Variants in RSPRY1 observed in about 807,000 individuals in gnomAD.
The protein encoded by RSPRY1 is ring finger and SPRY domain containing 1.
In RSPRY1, 23 loss-of-function variants were observed where a neutral mutation model predicts 73.1. The ratio of observed to expected loss-of-function variants is 0.31; its 90% confidence interval spans 0.23 to 0.45. The LOEUF is 0.45. Ranked by LOEUF, RSPRY1 falls within the 20% of genes least tolerant of loss-of-function variation. The pLI, the probability that RSPRY1 is intolerant of heterozygous loss-of-function variation, is 1.00. For synonymous variants in RSPRY1, 226 were observed against 251.4 expected, an observed-to-expected ratio of 0.90 and a Z score of 0.95; for missense variants, 448 against 698.7, an observed-to-expected ratio of 0.64 and a Z score of 4.05.
At chr16:57,191,510 G>A (rs1051231664) in intron 1 of RSPRY1, among the ~76,000 whole-genome samples, 2 of 152,126 alleles carry the variant, frequency 1.3e-5, no homozygotes, top group African/African-American at 2.4e-5. Flanking sequence ...TATGCAGAAT[G>A]GGGATTCCTG....
rs2074622050 is a variant in RSPRY1 at position 57,201,939 on chromosome 16, G to A, written c.-155-2565G>A. Among the ~76,000 whole-genome samples, 3 of 152,188 alleles carry A rather than the reference G, an allele frequency of 2.0e-5. No individual in the cohort carries two copies. In the South Asian group the frequency reaches 6.2e-4, roughly 31 times the overall value. Reference sequence around the variant, plus strand: ...GTCCAGCTTTGGCTTGGCATCAGGGGGAGACCGTGGAAAGAGAGAGAGAGG... The same window carrying A: ...GTCCAGCTTTGGCTTGGCATCAGGGAGAGACCGTGGAAAGAGAGAGAGAGG... On this transcript the variant is annotated intron_variant, in intron 1 of 14. Coordinates refer to ENST00000394420, the MANE Select transcript of RSPRY1 (RefSeq NM_133368.3).
chr16:57,237,401 C>T (rs545679046), intron 14 of RSPRY1, among the ~76,000 whole-genome samples: 6 of 152,106 alleles, frequency 3.9e-5, no homozygotes, highest in South Asian at 2.1e-4. Flanking sequence ...CCTTGGCCTC[C>T]GAAAAGTTCT....
chr16:57,208,460 C>T (rs112699961), intron 3 of RSPRY1, among the ~76,000 whole-genome samples: 49,641 of 140,548 alleles, frequency 0.35, 9,455 homozygotes, highest in South Asian at 0.5. Flanking sequence ...TGCAGTGGCA[C>T]GATCACAGCT....
At chr16:57,204,376 C>A (rs1239500363) in intron 1 of RSPRY1, 128 bp from the exon 2 acceptor site, 7 of 333,470 alleles carry the variant, frequency 2.1e-5, no homozygotes, top group Non-Finnish European at 3.3e-5. Flanking sequence ...GTATTGGAAA[C>A]CTATAAAAAT....
chr16:57,226,368 T>G (rs1420661632), intron 10 of RSPRY1, among the ~76,000 whole-genome samples: 2 of 152,170 alleles, frequency 1.3e-5, no homozygotes, highest in Non-Finnish European at 2.9e-5. Flanking sequence ...ACAAGTTTAT[T>G]AAAGAAACAG....
rs559639698 is a variant in RSPRY1 at position 57,197,219 on chromosome 16, T to TA, written c.-155-7275dup. Reference sequence around the variant, plus strand: ...TTGCCTGCAGTCCATCACTTCTCTGTAAAAAAAAAATACCATGAATGACAG... The same window carrying TA: ...TTGCCTGCAGTCCATCACTTCTCTGTAAAAAAAAAAATACCATGAATGACAG... On this transcript the variant is annotated intron_variant, in intron 1 of 14. Transcript: ENST00000394420. Among the ~76,000 whole-genome samples, 639 of 149,092 alleles carry TA rather than the reference T, an allele frequency of 4.3e-3. 4 individuals carry two copies. The highest frequency in any genetic ancestry group is 0.012 in the African/African-American group (508 of 40,866).
intron 14 of RSPRY1, among the ~76,000 whole-genome samples, chr16:57,235,623 T>C (rs1420680796): frequency 2.0e-5 from 3 of 152,130 alleles, no homozygotes; most frequent in Non-Finnish European, 4.4e-5. Context: ...CTGGACCCTA[T>C]AGAACAGAGT....
chr16:57,222,799 A>G (rs148837605), intron 10 of RSPRY1, among the ~76,000 whole-genome samples: 1 of 152,304 alleles, frequency 6.6e-6, no homozygotes, highest in African/African-American at 2.4e-5. Context: ...TCTTCCAGGG[A>G]GGAAGCTTCG....
intron 4 of RSPRY1, among the ~76,000 whole-genome samples, chr16:57,210,045 CCCTT>C (rs771990988): frequency 1.7e-4 from 15 of 90,738 alleles, no homozygotes; most frequent in African/African-American, 2.3e-4. Context: ...CTCCCTCCCT[CCCTT>C]CCTCCCTTCC....
rs573202512 is a variant in RSPRY1 at position 57,204,673 on chromosome 16, T to C, written c.15T>C (p.Gly5=). 6.2e-7 allele frequency: 1 copy of C among 1,613,820 alleles called. No homozygotes were observed. Among genetic ancestry groups the C allele is most frequent in the African/African-American group, 1.3e-5 (1 of 75,050 alleles). ...AAACTACCTAAATGATCGTCTTTGG[T>C]TGGGCCGTGTTCTTAGCGAGCAGAA... MIVF[G]WAVFLASRSL... Residue 5 remains glycine, a synonymous_variant, in exon 2 of 15, where the codon GGT becomes GGC. Coordinates refer to ENST00000394420, the MANE Select transcript of RSPRY1 (RefSeq NM_133368.3).
chr16:57,224,229 C>T (rs182706293), intron 10 of RSPRY1, among the ~76,000 whole-genome samples: 59 of 152,324 alleles, frequency 3.9e-4, no homozygotes, highest in Non-Finnish European at 8.8e-5. Context: ...TCCTAACTAT[C>T]CCTCTGTTTG....
At chr16:57,222,690 G>A (rs768365942) in intron 10 of RSPRY1, among the ~76,000 whole-genome samples, 1 of 152,160 alleles carries the variant, frequency 6.6e-6, no homozygotes, top group African/African-American at 2.4e-5. Context: ...TACAACAGTT[G>A]TTTTCTTTGT....
chr16:57,208,392 A>ATT (rs1472834406), intron 3 of RSPRY1, among the ~76,000 whole-genome samples: 5 of 89,022 alleles, frequency 5.6e-5, no homozygotes, highest in African/African-American at 2.7e-4. Context: ...ATATATATAT[A>ATT]TATATATATT....
intron 1 of RSPRY1, among the ~76,000 whole-genome samples, chr16:57,195,751 G>A (rs1399409919): frequency 1.3e-5 from 2 of 151,052 alleles, no homozygotes; most frequent in Non-Finnish European, 2.9e-5. Context: ...GGCCAGGCAC[G>A]GTGGCTCACA....
At chr16:57,220,543 T>TG (rs2146321431) in intron 8 of RSPRY1, 189 bp from the exon 9 acceptor site, 1 of 372,388 alleles carries the variant, frequency 2.7e-6, no homozygotes, top group East Asian at 4.1e-5. Context: ...TAATAGTTTT[T>TG]GGCAGATTTT....
intron 6 of RSPRY1, 23 bp downstream of exon 6, chr16:57,213,969 T>C: frequency 6.5e-7 from 1 of 1,527,958 alleles, no homozygotes; most frequent in Non-Finnish European, 9.0e-7. Flanking sequence ...TCAAAACTAT[T>C]TATTCTTAGT....
intron 1 of RSPRY1, among the ~76,000 whole-genome samples, chr16:57,197,722 T>A (rs2074476950): frequency 6.6e-6 from 1 of 152,196 alleles, no homozygotes; most frequent in African/African-American, 2.4e-5. Flanking sequence ...TTTGTTTTTG[T>A]TTTTGTTTTT....
intron 10 of RSPRY1, among the ~76,000 whole-genome samples, chr16:57,222,664 A>C (rs1285534960): frequency 6.6e-6 from 1 of 152,220 alleles, no homozygotes; most frequent in Admixed American, 6.5e-5. Context: ...ACCAGAATTC[A>C]GTGGCCTTCC....
chr16:57,199,913 C>CTTTTTTTTTTTTTTTTTTTTTTTTTTTT (rs1315067392), intron 1 of RSPRY1, among the ~76,000 whole-genome samples: 1 of 72,190 alleles, frequency 1.4e-5, no homozygotes, highest in African/African-American at 5.1e-5. Context: ...TTTTCTTTTT[C>CTTTTTTTTTTTTTTTTTTTTTTTTTTTT]TTTTTTTTTT....
Sources: gnomAD v4.1 joint callset for allele counts (sites outside exome capture counted in the v4.1 genomes callset) on GRCh38, gnomAD v4.1.1 for gene constraint, MANE v1.5 for transcripts, NCBI Gene and HGNC (gene_info 2026-07-23, HGNC 2026-07-21) for gene names.